The following DNAH8 variants were observed in gnomAD, a reference collection of about 807,000 sequenced individuals.
The protein encoded by DNAH8 is dynein axonemal heavy chain 8.
A neutral mutation model predicts 562.1 loss-of-function variants in DNAH8; 382 were observed. The ratio of observed to expected loss-of-function variants is 0.68; its 90% CI spans 0.63 to 0.74. DNAH8 has a LOEUF of 0.74. Ranked by LOEUF, DNAH8 falls within the 30% of genes least tolerant of loss-of-function variation. The pLI is 0.00. For synonymous variants in DNAH8, 1,881 were observed against 1,919.4 expected (o/e 0.98, Z 0.52); for missense variants, 5,203 against 5,620.4 (o/e 0.93, Z 2.37).
chr6:38,925,971 T>C, intron 73 of DNAH8, 84 bp from the exon 74 acceptor site: 1 of 1,244,850 alleles, frequency 8.0e-7, no homozygotes, highest in Non-Finnish European at 1.1e-6. Context: ...CATTTTAAAT[T>C]ATTTTACTTT....
intron 17 of DNAH8, among the ~76,000 whole-genome samples, chr6:38,785,458 C>T (rs565552955): frequency 6.6e-6 from 1 of 152,272 alleles, no homozygotes; most frequent in Admixed American, 6.5e-5. Flanking sequence ...TTAAGGAAGA[C>T]AGATTTAAAT....
chr6:38,786,078 C>T (rs1769132799), intron 17 of DNAH8, among the ~76,000 whole-genome samples: 1 of 152,140 alleles, frequency 6.6e-6, no homozygotes, highest in Non-Finnish European at 1.5e-5. Flanking sequence ...ATTATTATGC[C>T]TGTAGAAGTT....
chr6:38,929,153 T>C (rs1341811816), intron 74 of DNAH8, among the ~76,000 whole-genome samples: 2 of 152,190 alleles, frequency 1.3e-5, no homozygotes, highest in Admixed American at 6.6e-5. Context: ...TATCCAGATA[T>C]GCAAGTTGCT....
At chr6:38,762,431 G>T (rs77751760) in intron 11 of DNAH8, among the ~76,000 whole-genome samples, 1 of 152,078 alleles carries the variant, frequency 6.6e-6, no homozygotes, top group African/African-American at 2.4e-5. Flanking sequence ...CAACTTGGTC[G>T]TGGTGTAATT....
At chr6:38,748,891 T>A (rs1340246803) in intron 8 of DNAH8, among the ~76,000 whole-genome samples, 1 of 151,992 alleles carries the variant, frequency 6.6e-6, no homozygotes, top group East Asian at 1.9e-4. Context: ...TTGAATCCAT[T>A]GATAGAATGA....
rs79931551 is a variant in DNAH8, at chr6:38,849,570, T to G, written c.5200-681T>G. Among the ~76,000 whole-genome samples the G allele has an allele frequency of 1.2e-3, 174 of 145,276 alleles. 1 individual carries two copies. The highest frequency in any genetic ancestry group is 4.3e-3 in the African/African-American group (156 of 36,564). ...TCAAGGATAAAAGAGGTTTTTTTTT[T>G]GCTTTTTTTTTTTTTGAAAATGGCC... On this transcript the variant is annotated intron_variant, in intron 37 of 92. Coordinates refer to ENST00000327475, the MANE Select transcript of DNAH8 (RefSeq NM_001206927.2).
intron 28 of DNAH8, 121 bp from the exon 29 acceptor site, chr6:38,826,035 T>G: frequency 1.6e-6 from 1 of 632,320 alleles, no homozygotes; most frequent in Non-Finnish European, 2.7e-6. Flanking sequence ...TAACCACATT[T>G]CAAGTGTTCA....
chr6:38,976,191 TGAA>T (rs2150700532), intron 85 of DNAH8, among the ~76,000 whole-genome samples: 1 of 152,362 alleles, frequency 6.6e-6, no homozygotes, highest in African/African-American at 2.4e-5. Context: ...GTGCTTGCTG[TGAA>T]ATCAGTTAGC....
chr6:38,898,208 A>G (rs1561834731), intron 60 of DNAH8, 50 bp from the exon 61 acceptor site: 1 of 1,495,888 alleles, frequency 6.7e-7, no homozygotes, highest in Non-Finnish European at 9.0e-7. Context: ...CTACTTTAAT[A>G]CATACTTGGA....
intron 72 of DNAH8, 55 bp downstream of exon 72, chr6:38,923,240 T>C: frequency 6.3e-7 from 1 of 1,597,282 alleles, no homozygotes; most frequent in Non-Finnish European, 8.5e-7. Context: ...TTAGAGAACA[T>C]AAAGTCCATT....
intron 7 of DNAH8, 87 bp downstream of exon 7, chr6:38,738,059 G>T (rs1407972202): frequency 7.2e-7 from 1 of 1,381,908 alleles, no homozygotes. Context: ...GCAAAGGGAA[G>T]AGGTGTCTCC....
At position 38,857,640 on chromosome 6, in the gene DNAH8, T is replaced by G. The variant is rs878904015; in HGVS notation, c.5856T>G (p.Thr1952=). 2 of 1,613,676 alleles carry G rather than the reference T, an allele frequency of 1.2e-6. No individual in the cohort carries two copies. The highest frequency in any genetic ancestry group is 1.1e-5 in the South Asian group (1 of 91,064). Residue 1952 remains threonine, a synonymous_variant, in exon 42 of 93, where the codon ACT becomes ACG. Transcript: ENST00000327475. ...AGAAATTTTTGGATATTCTAAATAC[T>G]CTCATTAGTCAGACAACACATGATC... The part of the protein sequence containing the change: ...TNQKFLDILN[T]LISQTTHDLS...
At chr6:38,730,364 C>T (rs1763569921) in intron 4 of DNAH8, among the ~76,000 whole-genome samples, 1 of 152,222 alleles carries the variant, frequency 6.6e-6, no homozygotes, top group Non-Finnish European at 1.5e-5. Context: ...GCATCTTGTG[C>T]CTGCTGCAGC....
rs1328736936 is a variant in DNAH8 at position 38,826,401 on chromosome 6, G to A, written c.4083+10G>A. 1.9e-6 allele frequency: 3 copies of A among 1,541,664 alleles called. No individual in the cohort carries two copies. Among genetic ancestry groups the A allele is most frequent in the Non-Finnish European group, 2.6e-6 (3 of 1,138,258 alleles). On this transcript the variant is annotated intron_variant, in intron 29 of 92. Coordinates refer to ENST00000327475, the MANE Select transcript of DNAH8 (RefSeq NM_001206927.2). ...TTTGGGACCAATTGAAGTAAGAAATGATTGCATTTTTTTTTCTTGGAATGC... is the reference window on the plus strand; with the variant it reads ...TTTGGGACCAATTGAAGTAAGAAATAATTGCATTTTTTTTTCTTGGAATGC...
intron 21 of DNAH8, among the ~76,000 whole-genome samples, chr6:38,797,828 G>T (rs1422244722): frequency 1.3e-5 from 2 of 152,136 alleles, no homozygotes; most frequent in East Asian, 1.9e-4. Flanking sequence ...CCCCTTCCAC[G>T]CTGTGGAAGC....
intron 18 of DNAH8, 48 bp from the exon 19 acceptor site, chr6:38,789,755 T>C (rs912774657): frequency 9.5e-6 from 13 of 1,374,364 alleles, no homozygotes; most frequent in Non-Finnish European, 1.2e-5. Flanking sequence ...ATGTGACTGC[T>C]ACTTTAAAAT....
chr6:38,896,060 G>A lies in DNAH8; in HGVS notation c.8775G>A (p.Trp2925Ter). 1.2e-6 allele frequency: 2 copies of A among 1,613,712 alleles called. No individual in the cohort carries two copies. The highest frequency in any genetic ancestry group is 1.3e-5 in the African/African-American group (1 of 75,040). The change falls in exon 60 of 93, where the codon TGG becomes TGA. Residue 2925 changes from tryptophan to a stop codon, truncating the protein, a stop_gained. Transcript: ENST00000327475. LOFTEE classifies it high-confidence loss of function. Reference protein sequence around the residue: ...DRFITPEDEQWFNAHLTRAVE... With the variant: ...DRFITPEDEQ ...TTATAACTCCTGAAGATGAGCAGTG[G>A]TTTAATGCACATCTTACTCGTGCAG...
intron 82 of DNAH8, among the ~76,000 whole-genome samples, chr6:38,954,927 C>CATATGCTAT (rs1157643899): frequency 6.6e-6 from 1 of 152,180 alleles, no homozygotes; most frequent in Non-Finnish European, 1.5e-5. Context: ...CAAGGACTCT[C>CATATGCTAT]ATATGCTATA....
At chr6:38,909,242 C>G (rs997289231) in intron 64 of DNAH8, among the ~76,000 whole-genome samples, 4 of 152,140 alleles carry the variant, frequency 2.6e-5, no homozygotes, top group African/African-American at 7.2e-5. Context: ...GCTGTCCTGG[C>G]CCTCTCTCTA....
Sources: allele counts gnomAD v4.1 joint callset (sites outside exome capture counted in the v4.1 genomes callset), GRCh38; gene constraint gnomAD v4.1.1; transcripts MANE v1.5; gene names NCBI Gene and HGNC (gene_info 2026-07-23, HGNC 2026-07-21).